The following PHACTR2 variants were observed in gnomAD, a reference collection of about 807,000 sequenced individuals.
The protein encoded by PHACTR2 is chromosome 6 open reading frame 56.
In PHACTR2, 30 loss-of-function variants were observed where a neutral mutation model predicts 76.0. The ratio of observed to expected loss-of-function variants is 0.39; its 90% CI spans 0.30 to 0.54. The LOEUF is 0.54. Among genes scored for constraint, PHACTR2 ranks in the 20% least tolerant of loss-of-function variants. The pLI, the probability that PHACTR2 is intolerant of heterozygous loss-of-function variation, is 0.61. For missense variants in PHACTR2, 696 were observed against 781.1 expected, an observed-to-expected ratio of 0.89 and a Z score of 1.30; for synonymous variants, 292 against 292.5, an observed-to-expected ratio of 1.00 and a Z score of 0.02.
Position 143,696,293 on chromosome 6 carries a change from G to A in PHACTR2, c.47-15723G>A, listed in dbSNP as rs997025862. ...AACGGAGAATGCAGGTAACTGTTTT[G>A]GGTGGGTATACAGGAGTTTATTTAT... On this transcript the variant is annotated intron_variant, in intron 1 of 12. Coordinates refer to ENST00000440869, the MANE Select transcript of PHACTR2 (RefSeq NM_001100164.2). This position sits in a 1 kb window ranked among gnomAD's most constrained non-coding sequence, Gnocchi z 4.1. Among the ~76,000 whole-genome samples the A allele has an allele frequency of 2.6e-5, 4 of 152,116 alleles. 1 individual carries two copies. The highest frequency in any genetic ancestry group is 1.3e-4 in the Admixed American group (2 of 15,268).
Position 143,683,911 on chromosome 6 carries a change from A to G in PHACTR2, c.46+5702A>G, listed in dbSNP as rs1038606812. 1.4e-4 allele frequency among the ~76,000 whole-genome samples: 21 copies of G among 152,206 alleles called. No homozygotes were observed. Among genetic ancestry groups the G allele is most frequent in the African/African-American group, 3.6e-4 (15 of 41,446 alleles). ...CATTCATAGATATATCTTTATCAGC[A>G]GTCAAACAAGACATACTATACTTAC... On this transcript the variant is annotated intron_variant, in intron 1 of 12. Transcript: ENST00000440869. The surrounding 1 kb of genome is among the most constrained non-coding windows in gnomAD (Gnocchi z 4.1).
upstream of PHACTR2, among the ~76,000 whole-genome samples, chr6:143,673,028 G>A (rs1482471225): frequency 6.6e-6 from 1 of 152,092 alleles, no homozygotes; most frequent in Admixed American, 6.5e-5. Flanking sequence ...CCCAGCTGGA[G>A]GAACAAACTT....
rs1779359877 is a variant in PHACTR2, at chr6:143,758,606, C to T, written c.455-1795C>T. ...GCCATTACTATTAGTATACATGATA[C>T]TCAGCTTAGTTGAGGAGACAAGATA... is the stretch of plus-strand genomic sequence containing the variant. On this transcript the variant is annotated intron_variant, in intron 4 of 12. Coordinates refer to ENST00000440869, the MANE Select transcript of PHACTR2 (RefSeq NM_001100164.2). Among the ~76,000 whole-genome samples the T allele has an allele frequency of 2.0e-5, 3 of 152,250 alleles. No homozygotes were observed. The South Asian group carries it at 6.2e-4, about 32-fold the overall frequency.
intron 6 of PHACTR2, among the ~76,000 whole-genome samples, chr6:143,766,675 A>G (rs1188404413): frequency 6.6e-6 from 1 of 152,196 alleles, no homozygotes; most frequent in Admixed American, 6.5e-5. Context: ...ACCCTCATCC[A>G]GTTGGTGGGT....
chr6:143,799,438 T>C (rs1775905241), intron 11 of PHACTR2, among the ~76,000 whole-genome samples: 1 of 152,222 alleles, frequency 6.6e-6, no homozygotes, highest in Admixed American at 6.5e-5. Context: ...CTTTTGAATG[T>C]GTTTGTTCTT....
At chr6:143,651,726 G>T (rs1032311552) in intron 1 of PHACTR2, among the ~76,000 whole-genome samples, 1 of 151,992 alleles carries the variant, frequency 6.6e-6, no homozygotes, top group Non-Finnish European at 1.5e-5. Context: ...GCGTCAGGAA[G>T]AATAGCTAAT....
rs1008877752 is a variant in PHACTR2, at chr6:143,561,998, G to T, written c.217+24791G>T. 1 of 152,108 alleles carries T rather than the reference G, an allele frequency of 6.6e-6. No homozygotes were observed. The highest frequency in any genetic ancestry group is 2.4e-5 in the African/African-American group (1 of 41,398). The allele number at this position is 152,108 out of a possible 1,614,324, so 9.4% of individuals were successfully genotyped here. A position where few individuals can be genotyped will look rare whatever the true frequency, so the allele number is the denominator to read the frequency against. ...CATGAGTGGTTCCTTTGCTTGGAGG[G>T]CCTCCTGTCTCTTCTTCATCTGACG... On this transcript the variant is annotated intron_variant, in intron 1 of 11. Transcript: ENST00000367584. This position sits in a 1 kb window ranked among gnomAD's most constrained non-coding sequence, Gnocchi z 4.1.
chr6:143,810,650 T>C, intron 12 of PHACTR2: 1 of 404,560 alleles, frequency 2.5e-6, no homozygotes, highest in Admixed American at 2.9e-5. Flanking sequence ...GTCAACATAG[T>C]GAGACCCCAT....
At chr6:143,569,553 A>C (rs1291763845) in intron 1 of PHACTR2, among the ~76,000 whole-genome samples, 1 of 152,184 alleles carries the variant, frequency 6.6e-6, no homozygotes, top group East Asian at 1.9e-4. Flanking sequence ...TGGGGAGTAC[A>C]TCCTGAAAAT....
rs1365334307 is a variant in PHACTR2, at chr6:143,822,235, C to T, written c.1923-1439C>T. ...AAGGGACAGGGTCTTACTATGTGCC[C>T]AGACTTGTCTTGAACTCCTGGACTC... On this transcript the variant is annotated intron_variant, in intron 12 of 12. Coordinates refer to ENST00000440869, the MANE Select transcript of PHACTR2 (RefSeq NM_001100164.2). The surrounding 1 kb of genome is among the most constrained non-coding windows in gnomAD (Gnocchi z 5.5). Among the ~76,000 whole-genome samples, 2 of 152,136 alleles carry T rather than the reference C, an allele frequency of 1.3e-5. No homozygotes were observed. Among genetic ancestry groups the T allele is most frequent in the East Asian group, 1.9e-4 (1 of 5,190 alleles).
Position 143,689,012 on chromosome 6 carries a change from C to A in PHACTR2, c.46+10803C>A, listed in dbSNP as rs1428628597. ...TCATCTTCCATCACTTTGCTCTGGT[C>A]CCCTCACTGCCTTTTTCAGTCCTCA... On this transcript the variant is annotated intron_variant, in intron 1 of 12. Coordinates refer to ENST00000440869, the MANE Select transcript of PHACTR2 (RefSeq NM_001100164.2). The surrounding 1 kb of genome is among the most constrained non-coding windows in gnomAD (Gnocchi z 4.4). Among the ~76,000 whole-genome samples the A allele has an allele frequency of 5.9e-5, 9 of 152,172 alleles. No homozygotes were observed. The highest frequency in any genetic ancestry group is 5.9e-4 in the Admixed American group (9 of 15,280).
rs1176335111 is a variant in PHACTR2 at position 143,553,769 on chromosome 6, A to G, written c.217+16562A>G. ...GCTGGGAGACAGAGACAATACACAA[A>G]CTAAATAAACAATATTAGATGGTGA... On this transcript the variant is annotated intron_variant, in intron 1 of 11. Transcript: ENST00000367584. The surrounding 1 kb of genome is among the most constrained non-coding windows in gnomAD (Gnocchi z 4.2). Among the ~76,000 whole-genome samples, 5 of 152,182 alleles carry G rather than the reference A, an allele frequency of 3.3e-5. No homozygotes were observed. The highest frequency in any genetic ancestry group is 1.2e-4 in the African/African-American group (5 of 41,452).
intron 1 of PHACTR2, among the ~76,000 whole-genome samples, chr6:143,691,379 G>A (rs1777639430): frequency 6.6e-6 from 1 of 152,044 alleles, no homozygotes; most frequent in African/African-American, 2.4e-5. Flanking sequence ...AGACTCAGAT[G>A]TTCTGTACAC....
chr6:143,748,069 A>AT (rs558150591), intron 2 of PHACTR2, among the ~76,000 whole-genome samples: 5,299 of 149,022 alleles, frequency 0.036, 260 homozygotes, highest in African/African-American at 0.11. Context: ...GATTATTATT[A>AT]TTTTTTTTTT....
chr6:143,605,387 G>A (rs1476930135), upstream of PHACTR2, among the ~76,000 whole-genome samples: 2 of 152,204 alleles, frequency 1.3e-5, no homozygotes, highest in Non-Finnish European at 2.9e-5. The surrounding 1 kb of genome is among the most constrained non-coding windows in gnomAD (Gnocchi z 5.0). Flanking sequence ...GAAAGGGCCT[G>A]GTGAACATTT....
In PHACTR2 at chr6:143,623,878, T is replaced by C. The variant is rs953498301; in HGVS notation, c.13+15556T>C. On this transcript the variant is annotated intron_variant, in intron 1 of 11. Coordinates refer to the PHACTR2 transcript ENST00000305766. The surrounding 1 kb of genome is among the most constrained non-coding windows in gnomAD (Gnocchi z 5.9). ...GTTAACTGGATAGCAGCACATATTA[T>C]ATTGTCTTACCATGTATGATGCACA... 3.9e-5 allele frequency among the ~76,000 whole-genome samples: 6 copies of C among 152,184 alleles called. No homozygotes were observed. The highest frequency in any genetic ancestry group is 1.5e-5 in the Non-Finnish European group (1 of 68,038).
In PHACTR2 at chr6:143,578,897, C is replaced by A. The variant is rs1476784726; in HGVS notation, c.217+41690C>A. Among the ~76,000 whole-genome samples the A allele has an allele frequency of 7.2e-6, 1 of 139,604 alleles. No homozygotes were observed. Among genetic ancestry groups the A allele is most frequent in the Non-Finnish European group, 1.6e-5 (1 of 63,562 alleles). The allele number at this position is 139,604 out of a possible 152,430, so 91.6% of individuals were successfully genotyped here. On this transcript the variant is annotated intron_variant, in intron 1 of 11. Coordinates refer to the PHACTR2 transcript ENST00000367584. The surrounding 1 kb of genome is among the most constrained non-coding windows in gnomAD (Gnocchi z 4.5). ...ATCCCCTCTACCCTCATAATCCTGCCCCCAAAACTTTTTTTTTTGTTGTTG... is the reference window on the plus strand; with the variant it reads ...ATCCCCTCTACCCTCATAATCCTGCACCCAAAACTTTTTTTTTTGTTGTTG...
intron 1 of PHACTR2, among the ~76,000 whole-genome samples, chr6:143,566,253 T>C (rs1362362214): frequency 6.6e-6 from 1 of 151,994 alleles, no homozygotes; most frequent in African/African-American, 2.4e-5. Flanking sequence ...CATGAACCAC[T>C]GCATCTTGCC....
At chr6:143,590,349 G>T (rs1388134281) in intron 1 of PHACTR2, among the ~76,000 whole-genome samples, 2 of 152,066 alleles carry the variant, frequency 1.3e-5, no homozygotes, top group African/African-American at 4.8e-5. Flanking sequence ...GGCCTAATGA[G>T]CTTCTGGAAT....
Sources: gnomAD v4.1 joint callset for allele counts (sites outside exome capture counted in the v4.1 genomes callset) on GRCh38, gnomAD v4.1.1 for gene constraint, Gnocchi (gnomAD v3.1) non-coding constraint, MANE v1.5 for transcripts, NCBI Gene and HGNC (gene_info 2026-07-23, HGNC 2026-07-21) for gene names.